Variants in DAGLB observed in about 807,000 individuals in gnomAD.
The protein encoded by DAGLB is diacylglycerol lipase beta.
DAGLB carries 66 observed loss-of-function variants against 72.1 expected under a neutral mutation model. That is an observed-to-expected ratio of 0.92 (90% CI 0.75 to 1.12). The LOEUF (loss-of-function observed/expected upper bound fraction) is 1.12. DAGLB is among the 50% of genes most tolerant of loss of function. DAGLB has a pLI of 0.00. For synonymous variants in DAGLB, 414 were observed against 359.5 expected, an observed-to-expected ratio of 1.15 and a Z score of -1.71; for missense variants, 1,065 against 884.9, an observed-to-expected ratio of 1.20 and a Z score of -2.58.
At chr7:6,421,910 G>A (rs1421362246) in intron 8 of DAGLB, 106 bp from the exon 9 acceptor site, 1 of 1,237,886 alleles carries the variant, frequency 8.1e-7, no homozygotes, top group Non-Finnish European at 1.2e-6. Context: ...TGGCGGGGAT[G>A]GCACCATCTC....
intron 8 of DAGLB, among the ~76,000 whole-genome samples, chr7:6,424,367 T>C (rs955936983): frequency 2.0e-5 from 3 of 151,942 alleles, no homozygotes; most frequent in African/African-American, 7.3e-5. Context: ...GCCAGGGGCG[T>C]GACTCTCTGC....
At chr7:6,416,349 G>C (rs762561047) in intron 11 of DAGLB, 37 of 278,318 alleles carry the variant, frequency 1.3e-4, no homozygotes, top group Non-Finnish European at 2.5e-4. Flanking sequence ...ATCAAGACCA[G>C]CCTGGCCAAC....
At chr7:6,434,281 C>A (rs375402106) in intron 4 of DAGLB, among the ~76,000 whole-genome samples, 1 of 151,986 alleles carries the variant, frequency 6.6e-6, no homozygotes, top group East Asian at 1.9e-4. Flanking sequence ...AGAACTCGCT[C>A]TAGAATGACG....
intron 13 of DAGLB, chr7:6,412,497 G>C (rs1783762455): frequency 6.0e-6 from 2 of 334,104 alleles, no homozygotes; most frequent in Non-Finnish European, 1.1e-5. Flanking sequence ...ACAGGGTCTT[G>C]TTGTGTTGCC....
Position 6,409,496 on chromosome 7 carries a change from C to G in DAGLB, c.*341G>C. 3.0e-6 allele frequency: 1 copy of G among 332,392 alleles called. No homozygotes were observed. The highest frequency in any genetic ancestry group is 5.6e-6 in the Non-Finnish European group (1 of 177,270). The allele number at this position is 332,392 out of a possible 1,614,324, so 20.6% of individuals were successfully genotyped here. On this transcript the variant is annotated 3_prime_UTR_variant, in exon 15 of 15. Coordinates refer to ENST00000297056, the MANE Select transcript of DAGLB (RefSeq NM_139179.4). Reference sequence around the variant, plus strand: ...GGGGGTGGGAGGCTAAGGAACTGTTCACGGTCTTCTGGGTGGGCCCTGGAT... The same window carrying G: ...GGGGGTGGGAGGCTAAGGAACTGTTGACGGTCTTCTGGGTGGGCCCTGGAT...
At chr7:6,410,880 ATTTTTTTT>A (rs35960882) in intron 13 of DAGLB, among the ~76,000 whole-genome samples, 1 of 98,234 alleles carries the variant, frequency 1.0e-5, no homozygotes, top group African/African-American at 4.3e-5. Flanking sequence ...AATTTTTTGT[ATTTTTTTT>A]TTTTTTTTTT....
intron 6 of DAGLB, among the ~76,000 whole-genome samples, chr7:6,427,438 G>C (rs983050334): frequency 2.0e-5 from 3 of 152,046 alleles, no homozygotes; most frequent in African/African-American, 2.4e-5. Flanking sequence ...TCAAGTGTTG[G>C]AGACCAGCCT....
chr7:6,421,933 T>A, intron 8 of DAGLB, 129 bp from the exon 9 acceptor site: 1 of 1,031,612 alleles, frequency 9.7e-7, no homozygotes, highest in Non-Finnish European at 1.5e-6. Flanking sequence ...AGTTCGGTCC[T>A]GGGACTGAAC....
chr7:6,422,376 G>T lies in DAGLB; in HGVS notation c.1141-572C>A, dbSNP rs956088482. The T allele has an allele frequency of 1.2e-5, 3 of 241,080 alleles. No homozygotes were observed. In the Admixed American group the frequency reaches 1.5e-4, roughly 12 times the overall value. The allele number at this position is 241,080 out of a possible 1,614,324, so 14.9% of individuals were successfully genotyped here. Reference sequence around the variant, plus strand: ...AGCAGGACCCGCTGGCTGGGGCCCTGGGCACGGCTCCACACCAGCCATATT... The same window carrying T: ...AGCAGGACCCGCTGGCTGGGGCCCTTGGCACGGCTCCACACCAGCCATATT... On this transcript the variant is annotated intron_variant, in intron 8 of 14. Transcript: ENST00000297056.
At chr7:6,423,979 G>A (rs1204762998) in intron 8 of DAGLB, among the ~76,000 whole-genome samples, 2 of 152,124 alleles carry the variant, frequency 1.3e-5, no homozygotes, top group African/African-American at 4.8e-5. Flanking sequence ...TGCCTCCCGG[G>A]AGACCCACAG....
intron 7 of DAGLB, 26 bp from the exon 8 acceptor site, chr7:6,424,861 G>A: frequency 6.2e-7 from 1 of 1,610,600 alleles, no homozygotes; most frequent in Middle Eastern, 1.7e-4. Context: ...ACAAGCATGG[G>A]GCCTAAACAG....
intron 6 of DAGLB, among the ~76,000 whole-genome samples, chr7:6,428,313 C>G (rs1784374256): frequency 3.5e-5 from 2 of 57,612 alleles, no homozygotes; most frequent in South Asian, 6.5e-4. Flanking sequence ...GAGACTCTGT[C>G]TCAAAAAAAA....
In DAGLB at chr7:6,409,270, C is replaced by A. The variant is rs1267428852; in HGVS notation, c.*567G>T. 6.4e-6 allele frequency: 1 copy of A among 155,224 alleles called. No homozygotes were observed. The highest frequency in any genetic ancestry group is 1.4e-5 in the Non-Finnish European group (1 of 69,908). The allele number at this position is 155,224 out of a possible 1,614,324, so 9.6% of individuals were successfully genotyped here. A position where few individuals can be genotyped will look rare whatever the true frequency, so the allele number is the denominator to read the frequency against. ...GGAATAGGCAGTTGGGGGGCTGTGG[C>A]TCGGCGGGGCCGGGGGCTCCACTTA... On this transcript the variant is annotated 3_prime_UTR_variant, in exon 15 of 15. Coordinates refer to ENST00000297056, the MANE Select transcript of DAGLB (RefSeq NM_139179.4).
At chr7:6,440,960 TG>T (rs1258627210) in intron 2 of DAGLB, among the ~76,000 whole-genome samples, 2 of 151,854 alleles carry the variant, frequency 1.3e-5, no homozygotes, top group African/African-American at 4.8e-5. Context: ...GTTTTTTCTT[TG>T]TTTTTTTTTT....
At chr7:6,423,325 G>A (rs1409042263) in intron 8 of DAGLB, among the ~76,000 whole-genome samples, 3 of 152,124 alleles carry the variant, frequency 2.0e-5, no homozygotes, top group African/African-American at 7.2e-5. Flanking sequence ...AGAGGACTGG[G>A]GCCAAAAGCG....
chr7:6,441,539 T>C (rs1235124955), intron 2 of DAGLB, among the ~76,000 whole-genome samples: 1 of 150,686 alleles, frequency 6.6e-6, no homozygotes, highest in Non-Finnish European at 1.5e-5. Flanking sequence ...TGCCTCAGCC[T>C]CCCGAGTAGG....
At chr7:6,422,281 C>A in intron 8 of DAGLB, 1 of 292,788 alleles carries the variant, frequency 3.4e-6, no homozygotes, top group East Asian at 9.0e-5. Context: ...GAGGTGACGC[C>A]ACAGCCAGAC....
intron 3 of DAGLB, 122 bp from the exon 4 acceptor site, chr7:6,435,142 G>A (rs1348583387): frequency 7.0e-7 from 1 of 1,419,004 alleles, no homozygotes; most frequent in African/African-American, 1.4e-5. Flanking sequence ...TGTTACCGAG[G>A]AAGATGCAGC....
chr7:6,430,906 G>A (rs915727886), intron 5 of DAGLB, among the ~76,000 whole-genome samples: 2 of 151,804 alleles, frequency 1.3e-5, no homozygotes, highest in Non-Finnish European at 2.9e-5. Flanking sequence ...CTCTCAAGTC[G>A]TTGAGACTAC....
Sources: gnomAD v4.1 joint callset for allele counts (sites outside exome capture counted in the v4.1 genomes callset) on GRCh38, gnomAD v4.1.1 for gene constraint, MANE v1.5 for transcripts, NCBI Gene and HGNC (gene_info 2026-07-23, HGNC 2026-07-21) for gene names.